HOOK3: variants seen among roughly 807,000 people sequenced by gnomAD.
The protein encoded by HOOK3 is hook microtubule tethering protein 3, also known as protein Hook homolog 3.
A neutral mutation model predicts 116.3 loss-of-function variants in HOOK3; 24 were observed. The observed-to-expected ratio is 0.21, with a 90% CI of 0.15 to 0.29. The LOEUF (loss-of-function observed/expected upper bound fraction) is 0.29. Ranked by LOEUF, HOOK3 falls within the 10% of genes least tolerant of loss-of-function variation. The probability of loss-of-function intolerance (pLI) is 1.00; values close to 1 mark genes in which losing one functional copy is unlikely to be tolerated. For synonymous variants in HOOK3, 275 were observed against 283.0 expected (o/e 0.97, Z 0.28); for missense variants, 632 against 830.2 (o/e 0.76, Z 2.93).
rs199778785 is a variant in HOOK3, at chr8:42,905,327, G to GT, written c.58-846_58-845insT. Among the ~76,000 whole-genome samples the GT allele has an allele frequency of 8.9e-3, 900 of 101,216 alleles. 13 individuals carry two copies. The highest frequency in any genetic ancestry group is 0.013 in the Non-Finnish European group (721 of 56,960). The allele number at this position is 101,216 out of a possible 152,430, so 66.4% of individuals were successfully genotyped here. A position where few individuals can be genotyped will look rare whatever the true frequency, so the allele number is the denominator to read the frequency against. On this transcript the variant is annotated intron_variant, in intron 1 of 21. Transcript: ENST00000307602. ...TTTTTTTTTCCTGTTTCTTTTTTTG[G>GT]GGGGGGGGGTGCCGTGGTGGAGGGG... is the stretch of plus-strand genomic sequence containing the variant.
At chr8:42,953,119 A>T (rs1808371564) in intron 6 of HOOK3, among the ~76,000 whole-genome samples, 2 of 152,032 alleles carry the variant, frequency 1.3e-5, no homozygotes, top group East Asian at 3.9e-4. Flanking sequence ...TGGGGTCCTT[A>T]TTCTAGATAG....
At chr8:42,925,392 C>A (rs962523436) in intron 2 of HOOK3, among the ~76,000 whole-genome samples, 165 bp from the exon 3 acceptor site, 7 of 152,174 alleles carry the variant, frequency 4.6e-5, no homozygotes, top group Admixed American at 1.3e-4. Flanking sequence ...GCCACCATAC[C>A]TGGCCAACTT....
intron 13 of HOOK3, among the ~76,000 whole-genome samples, chr8:42,974,984 G>C (rs550871036): frequency 3.9e-5 from 6 of 152,270 alleles, no homozygotes; most frequent in Admixed American, 3.9e-4. Flanking sequence ...GGCCAAGAAA[G>C]GCCTCCTAGG....
intron 8 of HOOK3, among the ~76,000 whole-genome samples, chr8:42,961,527 TTAAC>T (rs775572323): frequency 1.3e-5 from 2 of 151,496 alleles, no homozygotes; most frequent in Admixed American, 6.6e-5. Context: ...AGAACAGTGA[TTAAC>T]TATATTTATG....
chr8:42,945,288 GTATTT>G lies in HOOK3; in HGVS notation c.400+1858_400+1862del, dbSNP rs571659334. Reference sequence around the variant, plus strand: ...CATGAAAACATAAGTTTTACATATAGTATTTTATTTTATTTTATTCTATTTTATTT... The same window carrying G: ...CATGAAAACATAAGTTTTACATATAGTATTTTATTTTATTCTATTTTATTT... On this transcript the variant is annotated intron_variant, in intron 5 of 21. Transcript: ENST00000307602. Among the ~76,000 whole-genome samples the G allele has an allele frequency of 2.1e-4, 32 of 152,154 alleles. No individual in the cohort carries two copies. In the East Asian group the frequency reaches 5.8e-3, roughly 28 times the overall value.
intron 3 of HOOK3, among the ~76,000 whole-genome samples, chr8:42,927,262 GT>G (rs1354079234): frequency 3.7e-4 from 46 of 124,544 alleles, no homozygotes; most frequent in East Asian, 6.3e-4. Flanking sequence ...TTTTTTTTTG[GT>G]TTTTTTTTTT....
intron 13 of HOOK3, among the ~76,000 whole-genome samples, chr8:42,975,242 G>C (rs746054058): frequency 6.6e-6 from 1 of 152,178 alleles, no homozygotes; most frequent in Non-Finnish European, 1.5e-5. Flanking sequence ...GTTCCCTTAA[G>C]GAGGATTCTG....
At chr8:42,988,073 G>C (rs555208456) in intron 15 of HOOK3, among the ~76,000 whole-genome samples, 1 of 152,238 alleles carries the variant, frequency 6.6e-6, no homozygotes, top group Admixed American at 6.5e-5. Flanking sequence ...AAGCTACTGA[G>C]ATAGAATCAA....
chr8:42,905,823 C>T (rs1045313674), intron 1 of HOOK3, among the ~76,000 whole-genome samples: 9 of 150,384 alleles, frequency 6.0e-5, no homozygotes, highest in East Asian at 3.9e-4. Context: ...CGGTGGCTCA[C>T]ACCTGTAATC....
chr8:42,954,159 TATG>T (rs1287246100), intron 6 of HOOK3, among the ~76,000 whole-genome samples: 1 of 152,328 alleles, frequency 6.6e-6, no homozygotes, highest in Non-Finnish European at 1.5e-5. Flanking sequence ...TGAACAATAT[TATG>T]ATCCCATTTC....
intron 4 of HOOK3, among the ~76,000 whole-genome samples, chr8:42,937,238 A>G (rs187739983): frequency 5.6e-4 from 84 of 150,744 alleles, no homozygotes; most frequent in Admixed American, 2.5e-3. Context: ...GTGATATCCT[A>G]TTTATCATTT....
chr8:42,935,740 A>G (rs1402664407), intron 4 of HOOK3, among the ~76,000 whole-genome samples: 1 of 152,026 alleles, frequency 6.6e-6, no homozygotes, highest in Admixed American at 6.6e-5. Context: ...GTTCTGTTCC[A>G]TTGGTCTGTA....
chr8:42,914,808 C>T (rs7829867), intron 2 of HOOK3, among the ~76,000 whole-genome samples: 19,736 of 152,200 alleles, frequency 0.13, 1,756 homozygotes, highest in African/African-American at 0.25. Context: ...CAAACTGTTA[C>T]TTCTTTTATC....
chr8:42,905,177 C>T (rs542747212), intron 1 of HOOK3, among the ~76,000 whole-genome samples: 5 of 152,190 alleles, frequency 3.3e-5, no homozygotes, highest in South Asian at 2.1e-4. Flanking sequence ...ATTTGGCCTC[C>T]GAGTAACAGA....
At chr8:42,946,811 C>A (rs1375410404) in intron 5 of HOOK3, among the ~76,000 whole-genome samples, 3 of 138,194 alleles carry the variant, frequency 2.2e-5, no homozygotes, top group Non-Finnish European at 4.6e-5. Flanking sequence ...CTCTGTCACC[C>A]AGGCTGGAGT....
chr8:42,977,190 G>A (rs1808846541), intron 13 of HOOK3, among the ~76,000 whole-genome samples: 1 of 152,154 alleles, frequency 6.6e-6, no homozygotes, highest in Non-Finnish European at 1.5e-5. Context: ...TCCTCAAGAA[G>A]TATTAATGAA....
rs1235833428 is a variant in HOOK3, at chr8:43,025,537, T to C, written c.*7039T>C. 2 of 212,022 alleles carry C rather than the reference T, an allele frequency of 9.4e-6. No homozygotes were observed. The highest frequency in any genetic ancestry group is 1.9e-5 in the Non-Finnish European group (2 of 104,832). The allele number at this position is 212,022 out of a possible 1,614,324, so 13.1% of individuals were successfully genotyped here. ...TATTCAGTAAAAGAGTAAACAAATA[T>C]CTAATTTATTTTCTAATTGTCCTTC... On this transcript the variant is annotated 3_prime_UTR_variant, in exon 22 of 22. Coordinates refer to ENST00000307602, the MANE Select transcript of HOOK3 (RefSeq NM_032410.4).
intron 14 of HOOK3, among the ~76,000 whole-genome samples, chr8:42,985,594 T>C (rs1465938331): frequency 6.6e-6 from 1 of 152,162 alleles, no homozygotes; most frequent in Non-Finnish European, 1.5e-5. Flanking sequence ...TTCCGTACAA[T>C]GTATGTGTTT....
chr8:42,940,237 C>T (rs977457662), intron 4 of HOOK3, among the ~76,000 whole-genome samples: 28 of 152,230 alleles, frequency 1.8e-4, no homozygotes, highest in Admixed American at 2.0e-4. Flanking sequence ...CCCGGCACCT[C>T]GGGAGGCCGA....
Sources: allele counts gnomAD v4.1 joint callset (sites outside exome capture counted in the v4.1 genomes callset), GRCh38; gene constraint gnomAD v4.1.1; transcripts MANE v1.5; gene names NCBI Gene and HGNC (gene_info 2026-07-23, HGNC 2026-07-21).